Variants in MYO15A observed in about 807,000 individuals in gnomAD.
The protein encoded by MYO15A is myosin XVA, also known as unconventional myosin-XV.
A neutral mutation model predicts 394.6 loss-of-function variants in MYO15A; 308 were observed. The observed-to-expected ratio is 0.78, with a 90% CI of 0.71 to 0.86. The LOEUF is 0.86. MYO15A is among the 40% of genes least tolerant of loss of function. The pLI, the probability that MYO15A is intolerant of heterozygous loss-of-function variation, is 0.00. For synonymous variants in MYO15A, 1,957 were observed against 2,003.8 expected (o/e 0.98, Z 0.62); for missense variants, 4,606 against 4,799.1 (o/e 0.96, Z 1.19).
chr17:18,138,564 T>G (rs1167610023), intron 17 of MYO15A, among the ~76,000 whole-genome samples: 1 of 152,198 alleles, frequency 6.6e-6, no homozygotes, highest in African/African-American at 2.4e-5. Flanking sequence ...GCAAAGGCAG[T>G]TGGCCTGGAG....
Position 18,140,497 on chromosome 17 carries a change from C to G in MYO15A, c.5212-20C>G. On this transcript the variant is annotated intron_variant, in intron 19 of 65. Transcript: ENST00000647165. ...CCCGGACCCTGCCTGTCTGTTTTCCCTGCCCCGACCCCTGCCCAGGTGGTG... is the reference window on the plus strand; with the variant it reads ...CCCGGACCCTGCCTGTCTGTTTTCCGTGCCCCGACCCCTGCCCAGGTGGTG... 4 of 1,613,392 alleles carry G rather than the reference C, an allele frequency of 2.5e-6. No individual in the cohort carries two copies. The highest frequency in any genetic ancestry group is 3.4e-6 in the Non-Finnish European group (4 of 1,180,000).
chr17:18,142,233 GGGCCCGT>G lies in MYO15A; in HGVS notation c.5808_5814del (p.Arg1937ThrfsTer10). Reference sequence around the variant, plus strand: ...CACAAGATCATCCTGCTGCAAAGCCGGGCCCGTGGCTACCTTGCCAGGTGAGGCACAG... The same window carrying G: ...CACAAGATCATCCTGCTGCAAAGCCGGGCTACCTTGCCAGGTGAGGCACAG... On this transcript the variant is annotated frameshift_variant, in exon 24 of 66. Coordinates refer to ENST00000647165, the MANE Select transcript of MYO15A (RefSeq NM_016239.4). LOFTEE classifies it high-confidence loss of function. The G allele has an allele frequency of 6.2e-7, 1 of 1,612,962 alleles. No homozygotes were observed. The highest frequency in any genetic ancestry group is 1.8e-4 in the Middle Eastern group (1 of 5,652).
At position 18,156,181 on chromosome 17, in the gene MYO15A, G is replaced by A. The variant is rs763859274; in HGVS notation, c.8460-14G>A. The A allele has an allele frequency of 1.3e-5, 21 of 1,613,794 alleles. No homozygotes were observed. The highest frequency in any genetic ancestry group is 1.6e-4 in the Middle Eastern group (1 of 6,074). On this transcript the variant is annotated splice_polypyrimidine_tract_variant and intron_variant, in intron 47 of 65. Transcript: ENST00000647165. ...CCTCTGGCAGGGGAGTCATGCCACCGGCCCATCCTCCAGCTTTGCAGATAT... is the reference window on the plus strand; with the variant it reads ...CCTCTGGCAGGGGAGTCATGCCACCAGCCCATCCTCCAGCTTTGCAGATAT...
chr17:18,144,439 G>A lies in MYO15A; in HGVS notation c.6178-58G>A, dbSNP rs905053199. Reference sequence around the variant, plus strand: ...AGCCCCATGTGGCACAGAGCAGTGGGTCCAGATGTGCCTGTCAGTCCAGCT... The same window carrying A: ...AGCCCCATGTGGCACAGAGCAGTGGATCCAGATGTGCCTGTCAGTCCAGCT... On this transcript the variant is annotated intron_variant, in intron 28 of 65. Transcript: ENST00000647165. 6 of 1,420,790 alleles carry A rather than the reference G, an allele frequency of 4.2e-6. No individual in the cohort carries two copies. The African/African-American group carries it at 7.2e-5, about 17-fold the overall frequency. The allele number at this position is 1,420,790 out of a possible 1,614,324, so 88.0% of individuals were successfully genotyped here. A position where few individuals can be genotyped will look rare whatever the true frequency, so the allele number is the denominator to read the frequency against.
chr17:18,157,919 G>A lies in MYO15A; in HGVS notation c.8967+19G>A. On this transcript the variant is annotated intron_variant, in intron 51 of 65. Coordinates refer to ENST00000647165, the MANE Select transcript of MYO15A (RefSeq NM_016239.4). ...GAGAGAGGTGAGACCAGTGTGGGTG[G>A]GGTGGGGCGGGGTAGACCAGGGGGA... 1 of 1,451,886 alleles carries A rather than the reference G, an allele frequency of 6.9e-7. No individual in the cohort carries two copies. Among genetic ancestry groups the A allele is most frequent in the Non-Finnish European group, 9.0e-7 (1 of 1,105,158 alleles). 89.9% of individuals were successfully genotyped at this position (1,451,886 alleles called of 1,614,324 possible).
At position 18,151,456 on chromosome 17, in the gene MYO15A, C is replaced by T; in HGVS notation, c.7716C>T (p.Pro2572=). The change falls in exon 40 of 66, where the codon CCC becomes CCT. Residue 2572 remains proline, a synonymous_variant. Transcript: ENST00000647165. ...TCAACTCTGAGCACTTCCCACAGCC[C>T]ACACAGCAGATCAAGAATATTGTCA... ...STLNSEHFPQ[P]TQQIKNIVRQ... 2 of 1,614,204 alleles carry T rather than the reference C, an allele frequency of 1.2e-6. No homozygotes were observed. Among genetic ancestry groups the T allele is most frequent in the Non-Finnish European group, 1.7e-6 (2 of 1,180,044 alleles).
At chr17:18,151,354 T>C in intron 39 of MYO15A, 41 bp from the exon 40 acceptor site, 2 of 1,614,166 alleles carry the variant, frequency 1.2e-6, no homozygotes, top group Non-Finnish European at 1.7e-6. Context: ...GTTGTGCCCC[T>C]TGTGGCCTCA....
intron 12 of MYO15A, among the ~76,000 whole-genome samples, 187 bp downstream of exon 12, chr17:18,133,573 T>C (rs1055519951): frequency 6.6e-6 from 1 of 152,230 alleles, no homozygotes; most frequent in African/African-American, 2.4e-5. Flanking sequence ...CAGCCCTTTG[T>C]GTCTGATATG....
chr17:18,120,778 C>T lies in MYO15A; in HGVS notation c.1978C>T (p.Leu660Phe). The T allele has an allele frequency of 2.1e-6, 3 of 1,418,620 alleles. No homozygotes were observed. The highest frequency in any genetic ancestry group is 2.7e-6 in the Non-Finnish European group (3 of 1,095,220). 87.9% of individuals were successfully genotyped at this position (1,418,620 alleles called of 1,614,324 possible). Reference protein sequence around the residue: ...APRTLSHWSALLSPPVPPRPP... With the variant: ...APRTLSHWSAFLSPPVPPRPP... The stretch of plus-strand genomic sequence containing the variant: ...CAGGACCCTCTCCCACTGGAGCGCG[C>T]TCCTGTCTCCGCCCGTGCCCCCGCG... The change falls in exon 2 of 66, where the codon CTC becomes TTC. Residue 660 changes from leucine (L) to phenylalanine (F), a missense_variant. By Grantham distance (22) the Leu-to-Phe change is conservative (BLOSUM62 0). Coordinates refer to ENST00000647165, the MANE Select transcript of MYO15A (RefSeq NM_016239.4).
At chr17:18,140,368 C>A in intron 19 of MYO15A, 149 bp from the exon 20 acceptor site, 1 of 1,106,888 alleles carries the variant, frequency 9.0e-7, no homozygotes, top group Non-Finnish European at 1.3e-6. Context: ...GCATGCAAGC[C>A]AGGATGACAG....
At chr17:18,154,542 A>G (rs1158900383) in intron 44 of MYO15A, 138 bp from the exon 45 acceptor site, 1 of 877,564 alleles carries the variant, frequency 1.1e-6, no homozygotes, top group African/African-American at 1.6e-5. Flanking sequence ...TGATTTACAC[A>G]GATGACCCAG....
Position 18,163,224 on chromosome 17 carries a change from C to G in MYO15A, c.9613-20C>G, listed in dbSNP as rs771444332. 2.5e-6 allele frequency: 4 copies of G among 1,613,268 alleles called. No homozygotes were observed. The highest frequency in any genetic ancestry group is 4.5e-5 in the East Asian group (2 of 44,880). The stretch of plus-strand genomic sequence containing the variant: ...TCCTAGGACCCAACCTGTCATCCCT[C>G]TCCCACCTATCTACCCCAGGCAGGC... On this transcript the variant is annotated intron_variant, in intron 58 of 65. Coordinates refer to ENST00000647165, the MANE Select transcript of MYO15A (RefSeq NM_016239.4).
In MYO15A at chr17:18,179,295, CTTA is replaced by C; in HGVS notation, c.*426_*428del. The C allele has an allele frequency of 3.9e-6, 1 of 253,820 alleles. No homozygotes were observed. Among genetic ancestry groups the C allele is most frequent in the Non-Finnish European group, 7.9e-6 (1 of 126,648 alleles). The allele number at this position is 253,820 out of a possible 1,614,324, so 15.7% of individuals were successfully genotyped here. A position where few individuals can be genotyped will look rare whatever the true frequency, so the allele number is the denominator to read the frequency against. ...TCTGCTCCAACTCCACACCCTAGCC[CTTA>C]CATGTCCTCCTAAGGGGCCCCTCCT... On this transcript the variant is annotated 3_prime_UTR_variant, in exon 66 of 66. Transcript: ENST00000647165.
rs1051309264 is a variant in MYO15A, at chr17:18,162,617, A to G, written c.9550A>G (p.Lys3184Glu). ...IAKACEQNLQ[K>E]TLRFGGRLEL... ...CAAGGCCTGCGAGCAGAACCTGCAG[A>G]AAACCTTGCGCTTCGGAGGTCGTCT... The change falls in exon 58 of 66, where the codon AAA becomes GAA. Residue 3184 changes from lysine (K) to glutamate (E), a missense_variant. Physicochemically the swap from Lys to Glu is moderately conservative, Grantham distance 56 (BLOSUM62 1). Transcript: ENST00000647165. 1 of 1,614,126 alleles carries G rather than the reference A, an allele frequency of 6.2e-7. No individual in the cohort carries two copies. Among genetic ancestry groups the G allele is most frequent in the African/African-American group, 1.3e-5 (1 of 75,056 alleles).
rs944936367 is a variant in MYO15A, at chr17:18,121,205, G to T, written c.2405G>T (p.Arg802Leu). 23 of 1,501,600 alleles carry T rather than the reference G, an allele frequency of 1.5e-5. No individual in the cohort carries two copies. The East Asian group carries it at 6.1e-4, about 40-fold the overall frequency. The allele number at this position is 1,501,600 out of a possible 1,614,324, so 93.0% of individuals were successfully genotyped here. Residue 802 changes from arginine (R) to leucine (L), a missense_variant, in exon 2 of 66, where the codon CGC (arginine) becomes CTC (leucine). Coordinates refer to ENST00000647165, the MANE Select transcript of MYO15A (RefSeq NM_016239.4). The surrounding 1 kb of genome is among the most constrained non-coding windows in gnomAD (Gnocchi z 5.3). ...CCCCCGTCGCCTCAGCTGTCCTTGC[G>T]CACGGGCCCCTTCCAGCCGCCCTTC... ...LAPPSPQLSL[R>L]TGPFQPPFLP...
chr17:18,139,082 T>C lies in MYO15A; in HGVS notation c.5133+146T>C. ...CCCCAGCTCTGTGACCTTGAGCAAA[T>C]TGCTTAGCCAGTCTGAGCCTCAGTT... On this transcript the variant is annotated intron_variant, in intron 18 of 65. Coordinates refer to ENST00000647165, the MANE Select transcript of MYO15A (RefSeq NM_016239.4). 4 of 1,236,432 alleles carry C rather than the reference T, an allele frequency of 3.2e-6. No homozygotes were observed. In the South Asian group the frequency reaches 5.2e-5, roughly 16 times the overall value. 76.6% of individuals were successfully genotyped at this position (1,236,432 alleles called of 1,614,324 possible).
At chr17:18,131,665 T>A in intron 10 of MYO15A, 134 bp downstream of exon 10, 1 of 1,138,270 alleles carries the variant, frequency 8.8e-7, no homozygotes, top group Non-Finnish European at 1.3e-6. Flanking sequence ...TGTGTACATG[T>A]GAGCCCAGGA....
intron 65 of MYO15A, chr17:18,178,103 G>A (rs1821890439): frequency 6.4e-6 from 1 of 155,226 alleles, no homozygotes; most frequent in African/African-American, 2.4e-5. Context: ...CGGGCGCGGT[G>A]GCTCATGCCT....
chr17:18,143,421 G>A, intron 25 of MYO15A, 145 bp from the exon 26 acceptor site: 1 of 891,248 alleles, frequency 1.1e-6, no homozygotes, highest in Non-Finnish European at 1.8e-6. Context: ...CCCCACCTGT[G>A]GAGTGGGGCA....
Sources: gnomAD v4.1 joint callset for allele counts (sites outside exome capture counted in the v4.1 genomes callset) on GRCh38, gnomAD v4.1.1 for gene constraint, Gnocchi (gnomAD v3.1) non-coding constraint, MANE v1.5 for transcripts, NCBI Gene and HGNC (gene_info 2026-07-23, HGNC 2026-07-21) for gene names.